Variants in ELOVL2 observed in about 807,000 individuals in gnomAD.
The protein encoded by ELOVL2 is very long chain fatty acid elongase 2.
Under a neutral mutation model 37.7 loss-of-function variants are expected in ELOVL2, and 38 were observed. The ratio of observed to expected loss-of-function variants is 1.01; its 90% CI spans 0.78 to 1.32. The LOEUF (loss-of-function observed/expected upper bound fraction) is 1.32. ELOVL2 is among the 40% of genes most tolerant of loss of function. The pLI, the probability that ELOVL2 is intolerant of heterozygous loss-of-function variation, is 0.00. For missense variants in ELOVL2, 352 were observed against 363.6 expected (o/e 0.97, Z 0.26); for synonymous variants, 115 against 122.3 (o/e 0.94, Z 0.40).
rs1392391288 is a variant in ELOVL2 at position 10,981,473 on chromosome 6, T to C, written c.*2308A>G. 1 of 152,674 alleles carries C rather than the reference T, an allele frequency of 6.5e-6. No homozygotes were observed. The highest frequency in any genetic ancestry group is 1.5e-5 in the Non-Finnish European group (1 of 68,040). The allele number at this position is 152,674 out of a possible 1,614,324, so 9.5% of individuals were successfully genotyped here. ...ATGGTTTAAGGCTATAAGTGTTTTA[T>C]GAAGCATCTCTTGAATTGAAGACCA... On this transcript the variant is annotated 3_prime_UTR_variant, in exon 8 of 8. Coordinates refer to ENST00000354666, the MANE Select transcript of ELOVL2 (RefSeq NM_017770.4).
intron 1 of ELOVL2, among the ~76,000 whole-genome samples, chr6:11,019,060 T>A (rs371992174): frequency 6.6e-6 from 1 of 152,150 alleles, no homozygotes; most frequent in Non-Finnish European, 1.5e-5. Flanking sequence ...ATCAGGATAG[T>A]ATACTTCTAT....
chr6:11,004,523 TCTC>T (rs1426370717), intron 3 of ELOVL2, among the ~76,000 whole-genome samples: 1 of 151,980 alleles, frequency 6.6e-6, no homozygotes, highest in Non-Finnish European at 1.5e-5. Context: ...CCTTGTTCCT[TCTC>T]CTGTAAAATG....
At chr6:11,002,837 T>C (rs1174240330) in intron 3 of ELOVL2, among the ~76,000 whole-genome samples, 2 of 152,238 alleles carry the variant, frequency 1.3e-5, no homozygotes, top group African/African-American at 2.4e-5. Flanking sequence ...ATCCATCTTA[T>C]ACCTTCAGGG....
At chr6:11,032,549 T>G (rs1257707184) in intron 1 of ELOVL2, among the ~76,000 whole-genome samples, 1 of 152,218 alleles carries the variant, frequency 6.6e-6, no homozygotes, top group Non-Finnish European at 1.5e-5. Flanking sequence ...AGTCATCCTC[T>G]GTATGCATGA....
chr6:11,015,640 T>C (rs1333528402), intron 1 of ELOVL2: 4 of 152,266 alleles, frequency 2.6e-5, no homozygotes, highest in African/African-American at 7.2e-5. Context: ...TGACTTCTTA[T>C]AGAAATCTGA....
At chr6:11,020,747 A>G in intron 1 of ELOVL2, among the ~76,000 whole-genome samples, 1 of 152,190 alleles carries the variant, frequency 6.6e-6, no homozygotes, top group South Asian at 2.1e-4. Context: ...GTTAACAGTA[A>G]AACAGCATTT....
chr6:11,034,482 AC>A (rs1270537598), intron 1 of ELOVL2, among the ~76,000 whole-genome samples: 3 of 99,582 alleles, frequency 3.0e-5, no homozygotes, highest in Non-Finnish European at 4.4e-5. Flanking sequence ...CTGGAGTTGA[AC>A]ACCAGCCTGG....
At chr6:11,022,175 TCTC>T (rs993818919) in intron 1 of ELOVL2, among the ~76,000 whole-genome samples, 2 of 152,142 alleles carry the variant, frequency 1.3e-5, no homozygotes, top group African/African-American at 4.8e-5. Context: ...AGAAAGGTAT[TCTC>T]CTCAACGTTT....
At chr6:11,041,249 C>A (rs563101323) in intron 1 of ELOVL2, among the ~76,000 whole-genome samples, 3 of 152,278 alleles carry the variant, frequency 2.0e-5, no homozygotes, top group Admixed American at 2.0e-4. Flanking sequence ...CCACCTAACC[C>A]TGAATAGCAG....
At chr6:11,003,564 G>C (rs1019467333) in intron 3 of ELOVL2, among the ~76,000 whole-genome samples, 6 of 152,208 alleles carry the variant, frequency 3.9e-5, no homozygotes, top group African/African-American at 1.4e-4. Flanking sequence ...ATTGATGGGC[G>C]TTTGGGTTGG....
At chr6:11,020,471 G>A (rs577410126) in intron 1 of ELOVL2, among the ~76,000 whole-genome samples, 148 of 152,288 alleles carry the variant, frequency 9.7e-4, no homozygotes, top group African/African-American at 3.4e-3. Flanking sequence ...ACCAGAATCC[G>A]ACTATCTTCA....
chr6:10,992,812 A>AAAC (rs1554110951), intron 5 of ELOVL2, among the ~76,000 whole-genome samples: 4 of 147,306 alleles, frequency 2.7e-5, no homozygotes, highest in African/African-American at 7.5e-5. Context: ...AAAAAAAACA[A>AAAC]AAAAAAACAG....
At chr6:11,043,408 C>CACACACAT (rs1554114335) in intron 1 of ELOVL2, 5 of 120,300 alleles carry the variant, frequency 4.2e-5, no homozygotes, top group Non-Finnish European at 9.3e-5. Context: ...CGGGTGAACA[C>CACACACAT]ACACACACAC....
At chr6:11,022,542 A>C (rs866815946) in intron 1 of ELOVL2, among the ~76,000 whole-genome samples, 1 of 152,244 alleles carries the variant, frequency 6.6e-6, no homozygotes, top group Non-Finnish European at 1.5e-5. Context: ...GAACAGGTAC[A>C]GGGAATTTGT....
rs1782460840 is a variant in ELOVL2, at chr6:11,005,323, T to TA, written c.255+48dup. 4 of 1,536,110 alleles carry TA rather than the reference T, an allele frequency of 2.6e-6. No homozygotes were observed. The South Asian group carries it at 4.9e-5, about 19-fold the overall frequency. ...GGCTAGATGTGGTTGTTTCTGTTAA[T>TA]AAAAACTGCTAGTTACTGGACTTCA... On this transcript the variant is annotated intron_variant, in intron 3 of 7. Transcript: ENST00000354666.
At chr6:11,012,868 TGGA>T (rs1438406240) in intron 1 of ELOVL2, among the ~76,000 whole-genome samples, 1 of 152,148 alleles carries the variant, frequency 6.6e-6, no homozygotes, top group Non-Finnish European at 1.5e-5. Context: ...GAGTTCTTAG[TGGA>T]GAGAGAGTAA....
chr6:11,037,328 A>G (rs993444575), intron 1 of ELOVL2, among the ~76,000 whole-genome samples: 2 of 151,894 alleles, frequency 1.3e-5, no homozygotes, highest in African/African-American at 4.8e-5. Context: ...CCTGCCAAAG[A>G]AAAAAAAGGC....
chr6:11,023,771 A>G (rs1782802043), intron 1 of ELOVL2, among the ~76,000 whole-genome samples: 1 of 152,216 alleles, frequency 6.6e-6, no homozygotes, highest in African/African-American at 2.4e-5. Context: ...GAGGTAAAGG[A>G]AAATCATACC....
chr6:10,987,077 G>A (rs1026827354), intron 7 of ELOVL2, among the ~76,000 whole-genome samples: 8 of 152,142 alleles, frequency 5.3e-5, no homozygotes, highest in East Asian at 3.9e-4. Flanking sequence ...TTTAGTCTTG[G>A]GAGGGTGTAT....
Sources: gnomAD v4.1 joint callset for allele counts (sites outside exome capture counted in the v4.1 genomes callset) on GRCh38, gnomAD v4.1.1 for gene constraint, MANE v1.5 for transcripts, NCBI Gene and HGNC (gene_info 2026-07-23, HGNC 2026-07-21) for gene names.